The following TM4SF5 variants were observed in gnomAD, a reference collection of about 807,000 sequenced individuals.
The protein encoded by TM4SF5 is transmembrane 4 L six family member 5, also known as transmembrane 4 L6 family member 5.
In TM4SF5, 16 loss-of-function variants were observed where a neutral mutation model predicts 22.3. The ratio of observed to expected loss-of-function variants is 0.72; its 90% confidence interval spans 0.49 to 1.09. The LOEUF is 1.09. Among genes scored for constraint, TM4SF5 ranks in the 50% least tolerant of loss-of-function variants. The pLI, the probability that TM4SF5 is intolerant of heterozygous loss-of-function variation, is 0.00. For missense variants in TM4SF5, 249 were observed against 266.1 expected (o/e 0.94, Z 0.45); for synonymous variants, 113 against 109.6 (o/e 1.03, Z -0.19).
chr17:4,782,676 G>A, intron 3 of TM4SF5, 37 bp downstream of exon 3: 1 of 1,610,924 alleles, frequency 6.2e-7, no homozygotes, highest in Non-Finnish European at 8.5e-7. Flanking sequence ...TCCATTCTCT[G>A]CCTCTTCCCT....
Position 4,782,577 on chromosome 17 carries a change from G to T in TM4SF5, c.333G>T (p.Gly111=). 3 of 1,614,042 alleles carry T rather than the reference G, an allele frequency of 1.9e-6. No individual in the cohort carries two copies. The highest frequency in any genetic ancestry group is 2.5e-6 in the Non-Finnish European group (3 of 1,179,986). The change falls in exon 3 of 5, where the codon GGG becomes GGT. Residue 111 remains glycine, a synonymous_variant. Transcript: ENST00000270560. ...ACTGCCTCTCGGTGTCTGGAGCTGG[G>T]CTCCGAAATGGACCCAGATGCTTAA... The part of the protein sequence containing the change: ...AIYCLSVSGA[G]LRNGPRCLMN...
In TM4SF5 at chr17:4,772,088, G is replaced by T. The variant is rs762941132; in HGVS notation, c.166G>T (p.Gly56Trp). ...CTGGCTCATGGGCGGCTTCATTGGC[G>T]GGGGCCTAATGGTGAGAAGGCTGGC... ...QVWLMGGFIG[G>W]GLMVLCPGIA... Residue 56 changes from glycine (G) to tryptophan (W), a missense_variant, in exon 1 of 5, where the codon GGG (glycine) becomes TGG (tryptophan). Coordinates refer to ENST00000270560, the MANE Select transcript of TM4SF5 (RefSeq NM_003963.3). 1 of 1,614,204 alleles carries T rather than the reference G, an allele frequency of 6.2e-7. No homozygotes were observed. Among genetic ancestry groups the T allele is most frequent in the Non-Finnish European group, 8.5e-7 (1 of 1,180,038 alleles).
At chr17:4,774,768 G>A (rs190675845) in intron 1 of TM4SF5, among the ~76,000 whole-genome samples, 140 of 152,108 alleles carry the variant, frequency 9.2e-4, no homozygotes, top group Non-Finnish European at 1.3e-3. Context: ...TTAGCCAGGC[G>A]TGGTGGCGCA....
At chr17:4,774,114 G>A (rs144926641) in intron 1 of TM4SF5, among the ~76,000 whole-genome samples, 9,443 of 152,176 alleles carry the variant, frequency 0.062, 737 homozygotes, top group South Asian at 0.32. Flanking sequence ...CCAGCTACTC[G>A]GGAGACTGAG....
chr17:4,774,058 GA>G lies in TM4SF5; in HGVS notation c.177+1962del, dbSNP rs1175914353. Among the ~76,000 whole-genome samples, 67 of 152,164 alleles carry G rather than the reference GA, an allele frequency of 4.4e-4. 1 individual carries two copies. Among genetic ancestry groups the G allele is most frequent in the Non-Finnish European group, 5.9e-5 (4 of 67,986 alleles). On this transcript the variant is annotated intron_variant, in intron 1 of 4. Transcript: ENST00000270560. The stretch of plus-strand genomic sequence containing the variant: ...TGGTGAAACCCCGTCTCTACTTAAA[GA>G]AATATACAAAAATTAGCCAGGCATA...
chr17:4,774,871 T>TA (rs1917179183), intron 1 of TM4SF5, among the ~76,000 whole-genome samples: 1 of 151,482 alleles, frequency 6.6e-6, no homozygotes, highest in African/African-American at 2.4e-5. Flanking sequence ...TGCACCATTG[T>TA]ACTCCAGCCT....
chr17:4,780,363 A>C (rs1292865027), intron 1 of TM4SF5, among the ~76,000 whole-genome samples: 3 of 152,082 alleles, frequency 2.0e-5, no homozygotes, highest in African/African-American at 7.2e-5. Context: ...CCTCTGAGCC[A>C]GTCTTAACAC....
rs1567709087 is a variant in TM4SF5, at chr17:4,783,152, A to C, written c.*24A>C. On this transcript the variant is annotated 3_prime_UTR_variant, in exon 5 of 5. Transcript: ENST00000270560. ...GAGGCTCCACTGACCGCCGGGTTAC[A>C]CCTGCTCCTTCCTGGACGCTCACTC... 1.3e-6 allele frequency: 2 copies of C among 1,597,258 alleles called. No individual in the cohort carries two copies. Among genetic ancestry groups the C allele is most frequent in the Admixed American group, 1.7e-5 (1 of 58,328 alleles).
At position 4,782,518 on chromosome 17, in the gene TM4SF5, T is replaced by C. The variant is rs767651666; in HGVS notation, c.274T>C (p.Phe92Leu). Residue 92 changes from phenylalanine to leucine, a missense_variant, in exon 3 of 5, where the codon TTC (phenylalanine) becomes CTC (leucine). By Grantham distance (22) the Phe-to-Leu change is conservative. Coordinates refer to ENST00000270560, the MANE Select transcript of TM4SF5 (RefSeq NM_003963.3). ...CCACATCCAGATGCTGCGCTCGGTC[T>C]TCTCCTCGGCGTTCGGGGTGCTTGG... ...GNRCRMLRSVFSSAFGVLGAI... is the reference protein window; with the variant it reads ...GNRCRMLRSVLSSAFGVLGAI... The C allele has an allele frequency of 6.2e-7, 1 of 1,613,954 alleles. No individual in the cohort carries two copies. The highest frequency in any genetic ancestry group is 8.5e-7 in the Non-Finnish European group (1 of 1,180,028).
At chr17:4,778,877 G>A (rs1010847682) in intron 1 of TM4SF5, among the ~76,000 whole-genome samples, 1 of 151,770 alleles carries the variant, frequency 6.6e-6, no homozygotes, top group African/African-American at 2.4e-5. Flanking sequence ...CCAACATGAT[G>A]AAACCCCGTC....
Position 4,771,931 on chromosome 17 carries a change from G to C in TM4SF5, c.9G>C (p.Thr3=). The C allele has an allele frequency of 6.2e-7, 1 of 1,614,148 alleles. No homozygotes were observed. Among genetic ancestry groups the C allele is most frequent in the Non-Finnish European group, 8.5e-7 (1 of 1,180,028 alleles). ...CTTCCTGACACCTCACCATGTGTAC[G>C]GGAAAATGTGCCCGCTGTGTGGGGC... The part of the protein sequence containing the change: MC[T]GKCARCVGLS... The change falls in exon 1 of 5, where the codon ACG becomes ACC. Residue 3 remains threonine (T), a synonymous_variant. Transcript: ENST00000270560.
At chr17:4,780,610 G>C (rs560747895) in intron 1 of TM4SF5, among the ~76,000 whole-genome samples, 179 bp from the exon 2 acceptor site, 4 of 152,134 alleles carry the variant, frequency 2.6e-5, no homozygotes, top group East Asian at 1.9e-4. Context: ...AGGTAGGCAC[G>C]TAAATAAGGA....
At chr17:4,780,341 C>A (rs1198566873) in intron 1 of TM4SF5, among the ~76,000 whole-genome samples, 1 of 152,148 alleles carries the variant, frequency 6.6e-6, no homozygotes, top group Non-Finnish European at 1.5e-5. Context: ...AGGCGTGAAC[C>A]ACCGCGCCCG....
chr17:4,781,160 A>G (rs1917301648), intron 2 of TM4SF5, among the ~76,000 whole-genome samples: 1 of 143,464 alleles, frequency 7.0e-6, no homozygotes, highest in African/African-American at 2.5e-5. Context: ...AAAAAAAAAA[A>G]GAAGAGAAAA....
In TM4SF5 at chr17:4,772,099, G is replaced by A; in HGVS notation, c.177G>A (p.Met59Ile). 1 of 1,614,170 alleles carries A rather than the reference G, an allele frequency of 6.2e-7. No individual in the cohort carries two copies. The change falls in exon 1 of 5, where the codon ATG (methionine) becomes ATA (isoleucine). Residue 59 changes from methionine (M) to isoleucine (I), a missense_variant and splice_region_variant. Physicochemically the swap from Met to Ile is conservative, Grantham distance 10. Coordinates refer to ENST00000270560, the MANE Select transcript of TM4SF5 (RefSeq NM_003963.3). ...GCGGCTTCATTGGCGGGGGCCTAAT[G>A]GTGAGAAGGCTGGCAGGGGAGCCCG... Reference protein sequence around the residue: ...LMGGFIGGGLMVLCPGIAAVR... With the variant: ...LMGGFIGGGLIVLCPGIAAVR...
In TM4SF5 at chr17:4,782,597, G is replaced by T; in HGVS notation, c.353G>T (p.Cys118Phe). The T allele has an allele frequency of 6.2e-7, 1 of 1,614,158 alleles. No individual in the cohort carries two copies. Among genetic ancestry groups the T allele is most frequent in the Non-Finnish European group, 8.5e-7 (1 of 1,180,002 alleles). Reference sequence around the variant, plus strand: ...GCTGGGCTCCGAAATGGACCCAGATGCTTAATGAACGGCGAGTGGGGCTAC... The same window carrying T: ...GCTGGGCTCCGAAATGGACCCAGATTCTTAATGAACGGCGAGTGGGGCTAC... ...SGAGLRNGPRCLMNGEWGYHF... is the reference protein window; with the variant it reads ...SGAGLRNGPRFLMNGEWGYHF... Residue 118 changes from cysteine to phenylalanine, a missense_variant, in exon 3 of 5, where the codon TGC becomes TTC. Physicochemically the swap from Cys to Phe is radical, Grantham distance 205. Transcript: ENST00000270560.
chr17:4,783,058 G>A (rs1252915636), intron 4 of TM4SF5, 21 bp downstream of exon 4: 5 of 1,614,130 alleles, frequency 3.1e-6, no homozygotes, highest in Middle Eastern at 1.6e-4. Flanking sequence ...TTGCGGTGGA[G>A]TTGTAGAGGG....
At chr17:4,775,832 A>T (rs1917194035) in intron 1 of TM4SF5, among the ~76,000 whole-genome samples, 1 of 152,016 alleles carries the variant, frequency 6.6e-6, no homozygotes. Context: ...TGCACTTTAC[A>T]CAAATGGAAT....
At chr17:4,776,636 A>G (rs1247314383) in intron 1 of TM4SF5, among the ~76,000 whole-genome samples, 2 of 152,206 alleles carry the variant, frequency 1.3e-5, no homozygotes, top group African/African-American at 4.8e-5. Context: ...GATCATTCCC[A>G]GTTTGGTTTT....
Sources: gnomAD v4.1 joint callset for allele counts (sites outside exome capture counted in the v4.1 genomes callset) on GRCh38, gnomAD v4.1.1 for gene constraint, MANE v1.5 for transcripts, NCBI Gene and HGNC (gene_info 2026-07-23, HGNC 2026-07-21) for gene names.